Variants in SCAPER observed in about 807,000 individuals in gnomAD.
SCAPER encodes the protein S phase cyclin A-associated protein in the endoplasmic reticulum.
A neutral mutation model predicts 182.2 loss-of-function variants in SCAPER; 98 were observed. The observed-to-expected ratio is 0.54, with a 90% CI of 0.46 to 0.64. The LOEUF (loss-of-function observed/expected upper bound fraction) is 0.64. Among genes scored for constraint, SCAPER ranks in the 30% least tolerant of loss-of-function variants. SCAPER has a pLI of 0.00. For synonymous variants in SCAPER, 605 were observed against 564.6 expected, an observed-to-expected ratio of 1.07 and a Z score of -1.01; for missense variants, 1,432 against 1,690.0, an observed-to-expected ratio of 0.85 and a Z score of 2.68.
chr15:76,701,811 C>T lies in SCAPER; in HGVS notation c.2455G>A (p.Ala819Thr), dbSNP rs754123120. 5.0e-6 allele frequency: 8 copies of T among 1,613,706 alleles called. No homozygotes were observed. In the African/African-American group the frequency reaches 6.7e-5, roughly 13 times the overall value. The change falls in exon 20 of 32, where the codon GCC (alanine) becomes ACC (threonine). Residue 819 changes from alanine (A) to threonine (T), a missense_variant. This residue lies in a region of SCAPER where 718 missense variants were observed against 799.7 expected (regional missense o/e 0.90). Transcript: ENST00000563290. ...TGGATGCTGGTATTCTCTCTCACGG[C>T]TTGCTGGTGTTTTCTCCCTTTAACA... is the stretch of plus-strand genomic sequence containing the variant. The part of the protein sequence containing the change: ...SHVKGRKHQQ[A>T]VRENTSIQGR...
intron 23 of SCAPER, among the ~76,000 whole-genome samples, chr15:76,523,592 C>T (rs1463435447): frequency 6.6e-6 from 1 of 152,034 alleles, no homozygotes; most frequent in East Asian, 1.9e-4. Context: ...TTTTGGGCAT[C>T]CACCCAATGC....
rs563297430 is a variant in SCAPER at position 76,841,629 on chromosome 15, A to G, written c.393+105T>C. 5.9e-6 allele frequency: 7 copies of G among 1,176,760 alleles called. No individual in the cohort carries two copies. The African/African-American group carries it at 1.1e-4, about 18-fold the overall frequency. The allele number at this position is 1,176,760 out of a possible 1,614,324, so 72.9% of individuals were successfully genotyped here. On this transcript the variant is annotated intron_variant, in intron 5 of 31. Coordinates refer to ENST00000563290, the MANE Select transcript of SCAPER (RefSeq NM_020843.4). Reference sequence around the variant, plus strand: ...GTCACTACACTCCAGCCTGGGCGACAGAGCAAAACTCCATCTCAAAGAAAA... The same window carrying G: ...GTCACTACACTCCAGCCTGGGCGACGGAGCAAAACTCCATCTCAAAGAAAA...
intron 29 of SCAPER, among the ~76,000 whole-genome samples, chr15:76,358,337 G>A (rs1043536116): frequency 4.6e-5 from 7 of 152,230 alleles, no homozygotes; most frequent in South Asian, 4.1e-4. Context: ...CCTGGAAACC[G>A]TAGGTGAATT....
intron 14 of SCAPER, among the ~76,000 whole-genome samples, chr15:76,757,284 CCT>C (rs1444532659): frequency 6.6e-6 from 1 of 152,242 alleles, no homozygotes; most frequent in East Asian, 1.9e-4. Context: ...CTCCATCTCC[CCT>C]CTCTGCTTCT....
chr15:76,795,509 G>T, intron 7 of SCAPER, 69 bp from the exon 8 acceptor site: 1 of 1,212,988 alleles, frequency 8.2e-7, no homozygotes. Context: ...TATGCTAAAT[G>T]TATTTAAAAT....
At chr15:76,366,086 T>TACACACACACACACACAC (rs59741618) in intron 29 of SCAPER, among the ~76,000 whole-genome samples, 1 of 149,432 alleles carries the variant, frequency 6.7e-6, no homozygotes, top group African/African-American at 2.5e-5. Context: ...CTTACACACT[T>TACACACACACACACACAC]ACACACACAC....
intron 21 of SCAPER, among the ~76,000 whole-genome samples, chr15:76,665,071 C>A (rs569123626): frequency 6.6e-6 from 1 of 152,168 alleles, no homozygotes; most frequent in East Asian, 1.9e-4. Flanking sequence ...GTCCTCGAAC[C>A]GGACTCATCC....
intron 24 of SCAPER, among the ~76,000 whole-genome samples, chr15:76,474,925 CCT>C (rs1189290431): frequency 6.6e-6 from 1 of 151,998 alleles, no homozygotes; most frequent in East Asian, 1.9e-4. Flanking sequence ...ACCCAATTTC[CCT>C]GAGTAATGAA....
At chr15:76,553,396 C>T (rs367658910) in intron 23 of SCAPER, among the ~76,000 whole-genome samples, 3 of 152,194 alleles carry the variant, frequency 2.0e-5, no homozygotes, top group African/African-American at 7.2e-5. Flanking sequence ...GTGGACACCC[C>T]GCAGTGTCAC....
intron 23 of SCAPER, among the ~76,000 whole-genome samples, chr15:76,549,743 T>C (rs2045599372): frequency 8.2e-5 from 1 of 12,156 alleles, no homozygotes; most frequent in Non-Finnish European, 4.6e-4. Flanking sequence ...ACTTAAAGTG[T>C]AAAAACAAAA....
chr15:76,833,889 T>C (rs1024543493), intron 5 of SCAPER, among the ~76,000 whole-genome samples: 1 of 152,194 alleles, frequency 6.6e-6, no homozygotes, highest in African/African-American at 2.4e-5. Context: ...TGAAGAGACT[T>C]AGATAACCAC....
In SCAPER at chr15:76,434,271, T is replaced by C; in HGVS notation, c.3118A>G (p.Asn1040Asp). ...PDENNTILGR[N>D]TNKQVFEGLT... The stretch of plus-strand genomic sequence containing the variant: ...CCTTCAAAAACTTGTTTATTTGTAT[T>C]TCTCCCCAAAATAGTATTATTTTCA... The change falls in exon 26 of 32, where the codon AAT becomes GAT. Residue 1040 changes from asparagine to aspartate, a missense_variant. Coordinates refer to ENST00000563290, the MANE Select transcript of SCAPER (RefSeq NM_020843.4). 1 of 1,613,524 alleles carries C rather than the reference T, an allele frequency of 6.2e-7. No homozygotes were observed. The highest frequency in any genetic ancestry group is 8.5e-7 in the Non-Finnish European group (1 of 1,179,602).
chr15:76,880,528 G>A (rs1217385086), intron 2 of SCAPER, among the ~76,000 whole-genome samples: 1 of 152,142 alleles, frequency 6.6e-6, no homozygotes, highest in Non-Finnish European at 1.5e-5. Context: ...TATCTGTTGT[G>A]TATGATCATA....
intron 3 of SCAPER, among the ~76,000 whole-genome samples, chr15:76,860,158 A>C (rs996917095): frequency 6.6e-6 from 1 of 152,200 alleles, no homozygotes; most frequent in Non-Finnish European, 1.5e-5. Context: ...TTTTGAATAG[A>C]AACAACTTTA....
rs550986418 is a variant in SCAPER at position 76,506,901 on chromosome 15, T to C, written c.2839-1927A>G. Among the ~76,000 whole-genome samples the C allele has an allele frequency of 1.2e-3, 186 of 152,324 alleles. 1 individual carries two copies. The highest frequency in any genetic ancestry group is 1.9e-3 in the Non-Finnish European group (126 of 68,010). On this transcript the variant is annotated intron_variant, in intron 23 of 31. Transcript: ENST00000563290. ...ATTTCTATGCAATTTACGATCTGTA[T>C]ATAATTCTTGTGGGAAATAACATTT...
At chr15:76,565,605 A>T (rs1271323910) in intron 23 of SCAPER, among the ~76,000 whole-genome samples, 2 of 152,054 alleles carry the variant, frequency 1.3e-5, no homozygotes, top group African/African-American at 4.8e-5. Context: ...GCTCACAACT[A>T]TCTAAGCACC....
At chr15:76,744,981 T>C (rs2061720431) in intron 15 of SCAPER, among the ~76,000 whole-genome samples, 1 of 152,166 alleles carries the variant, frequency 6.6e-6, no homozygotes, top group Admixed American at 6.5e-5. Flanking sequence ...AATGAAATTG[T>C]ATCCTTTGCA....
chr15:76,605,497 G>A (rs1007708019), intron 22 of SCAPER, among the ~76,000 whole-genome samples: 5 of 152,116 alleles, frequency 3.3e-5, no homozygotes, highest in African/African-American at 1.2e-4. Context: ...TTTTGGTTGT[G>A]TCTCTGCCAG....
intron 1 of SCAPER, among the ~76,000 whole-genome samples, chr15:76,889,462 A>G (rs1357928361): frequency 6.6e-6 from 1 of 152,212 alleles, no homozygotes; most frequent in African/African-American, 2.4e-5. Context: ...GGCTCAAACT[A>G]AAGTATGGAG....
Sources: gnomAD v4.1 joint callset for allele counts (sites outside exome capture counted in the v4.1 genomes callset) on GRCh38, gnomAD v4.1.1 for gene constraint, gnomAD v4.1.1 regional missense constraint, MANE v1.5 for transcripts, NCBI Gene and HGNC (gene_info 2026-07-23, HGNC 2026-07-21) for gene names.